The following DPP10 variants were observed in gnomAD, a reference collection of about 807,000 sequenced individuals.
The protein encoded by DPP10 is dipeptidyl peptidase like 10, also known as inactive dipeptidyl peptidase 10.
DPP10 carries 33 observed loss-of-function variants against 120.9 expected under a neutral mutation model. The observed-to-expected ratio is 0.27, with a 90% CI of 0.21 to 0.37. The LOEUF is 0.37. Ranked by LOEUF, DPP10 falls within the 10% of genes least tolerant of loss-of-function variation. The probability of loss-of-function intolerance (pLI) is 1.00; values close to 1 mark genes in which losing one functional copy is unlikely to be tolerated. For missense variants in DPP10, 816 were observed against 942.8 expected, an observed-to-expected ratio of 0.87 and a Z score of 1.76; for synonymous variants, 337 against 326.1, an observed-to-expected ratio of 1.03 and a Z score of -0.36.
chr2:115,681,787 TC>T (rs1415514148), intron 5 of DPP10, among the ~76,000 whole-genome samples: 6 of 63,792 alleles, frequency 9.4e-5, no homozygotes, highest in Non-Finnish European at 2.8e-4. Flanking sequence ...TTTCTTTCTT[TC>T]TTTCTCTTCC....
intron 1 of DPP10, among the ~76,000 whole-genome samples, chr2:114,598,478 G>T (rs1692105076): frequency 6.6e-6 from 1 of 151,892 alleles, no homozygotes; most frequent in Non-Finnish European, 1.5e-5. Flanking sequence ...AGTAGAAGGA[G>T]CACAGTGTCT....
In DPP10 at chr2:114,948,641, C is replaced by A. The variant is rs13030856; in HGVS notation, c.61-360598C>A. On this transcript the variant is annotated intron_variant, in intron 1 of 25. Coordinates refer to ENST00000410059, the MANE Select transcript of DPP10 (RefSeq NM_020868.6). ...TGTTTGTCTGCCTCATACCACTGAC[C>A]ATCCTTCTTCCTCAGGGATCTTGCT... 6.7e-3 allele frequency among the ~76,000 whole-genome samples: 1,017 copies of A among 152,244 alleles called. 6 individuals are homozygous for A. The highest frequency in any genetic ancestry group is 0.011 in the Non-Finnish European group (716 of 68,020).
At chr2:115,780,512 C>T (rs1374108678) in intron 15 of DPP10, among the ~76,000 whole-genome samples, 1 of 151,664 alleles carries the variant, frequency 6.6e-6, no homozygotes, top group Non-Finnish European at 1.5e-5. Flanking sequence ...TGAATAATCT[C>T]TGTGGGAAAT....
chr2:114,552,362 C>T (rs1013519769), intron 1 of DPP10, among the ~76,000 whole-genome samples: 5 of 152,070 alleles, frequency 3.3e-5, no homozygotes, highest in Non-Finnish European at 4.4e-5. Flanking sequence ...CTGTATTTTC[C>T]GGCTGTCTAG....
chr2:115,704,117 C>G (rs1293778431), intron 7 of DPP10, among the ~76,000 whole-genome samples: 1 of 151,888 alleles, frequency 6.6e-6, no homozygotes, highest in Non-Finnish European at 1.5e-5. Context: ...CATCTGAGCT[C>G]CTGCCACTCC....
chr2:114,942,300 T>TATATATATATATATATATATATATAC (rs1553458469), intron 1 of DPP10, among the ~76,000 whole-genome samples: 38 of 110,592 alleles, frequency 3.4e-4, no homozygotes, highest in East Asian at 2.0e-3. Flanking sequence ...TATATATACA[T>TATATATATATATATATATATATATAC]ATATATATAT....
intron 5 of DPP10, among the ~76,000 whole-genome samples, chr2:115,586,152 G>A (rs989426775): frequency 6.6e-6 from 1 of 151,834 alleles, no homozygotes; most frequent in African/African-American, 2.4e-5. Flanking sequence ...GCGAAACCCC[G>A]TCTCTACTAA....
intron 1 of DPP10, among the ~76,000 whole-genome samples, chr2:114,662,007 CA>C (rs1210054014): frequency 2.0e-3 from 265 of 130,636 alleles, no homozygotes; most frequent in Non-Finnish European, 3.0e-3. Flanking sequence ...ACTCCGTCTC[CA>C]AAAAAAAAAA....
chr2:115,369,550 G>C (rs527382905), intron 3 of DPP10, among the ~76,000 whole-genome samples: 4 of 152,178 alleles, frequency 2.6e-5, no homozygotes, highest in African/African-American at 9.6e-5. Context: ...GTGAGATAAA[G>C]CTGTGGGCAA....
intron 5 of DPP10, among the ~76,000 whole-genome samples, chr2:115,688,495 A>C (rs1426708466): frequency 6.6e-6 from 1 of 152,192 alleles, no homozygotes; most frequent in Non-Finnish European, 1.5e-5. Context: ...TTACAATTGC[A>C]TACTGAAAAA....
chr2:114,594,478 TATA>T (rs1049787060), intron 1 of DPP10, among the ~76,000 whole-genome samples: 10 of 147,866 alleles, frequency 6.8e-5, no homozygotes, highest in African/African-American at 2.5e-4. Flanking sequence ...GGGAGTTTAT[TATA>T]TATTATATAT....
At chr2:115,089,487 C>A (rs879562865) in intron 1 of DPP10, among the ~76,000 whole-genome samples, 3 of 152,134 alleles carry the variant, frequency 2.0e-5, no homozygotes, top group Admixed American at 2.0e-4. Flanking sequence ...CACTGAAGTC[C>A]CTTTCTCACT....
chr2:114,972,200 C>A lies in DPP10; in HGVS notation c.61-337039C>A, dbSNP rs1470975728. Among the ~76,000 whole-genome samples the A allele has an allele frequency of 2.0e-5, 3 of 152,066 alleles. No homozygotes were observed. The East Asian group carries it at 5.8e-4, about 29-fold the overall frequency. On this transcript the variant is annotated intron_variant, in intron 1 of 25. Transcript: ENST00000410059. ...TGTTCTCATTAATTTTCCTGACAAGCGCTAGTTTACATAGAAATGGTTGAG... is the reference window on the plus strand; with the variant it reads ...TGTTCTCATTAATTTTCCTGACAAGAGCTAGTTTACATAGAAATGGTTGAG...
intron 5 of DPP10, chr2:115,580,311 A>G (rs984357046): frequency 6.6e-5 from 10 of 152,318 alleles, no homozygotes; most frequent in Admixed American, 2.0e-4. Context: ...TCATTTTAGC[A>G]GCTTTAGAAA....
At chr2:115,333,131 G>A (rs2062863636) in intron 2 of DPP10, among the ~76,000 whole-genome samples, 1 of 152,022 alleles carries the variant, frequency 6.6e-6, no homozygotes. Context: ...TATATATTTA[G>A]GATTGTTAGC....
chr2:115,395,887 A>AT (rs2067644770), intron 3 of DPP10, among the ~76,000 whole-genome samples: 1 of 152,092 alleles, frequency 6.6e-6, no homozygotes, highest in Non-Finnish European at 1.5e-5. Flanking sequence ...TACATACTAT[A>AT]TACAATGATA....
intron 5 of DPP10, 148 bp downstream of exon 5, chr2:115,526,120 A>T (rs937448746): frequency 1.8e-6 from 1 of 551,648 alleles, no homozygotes; most frequent in Non-Finnish European, 3.1e-6. Context: ...TGCACAAAAG[A>T]TGTTTGAAGA....
intron 5 of DPP10, 83 bp downstream of exon 5, chr2:115,526,055 A>T: frequency 8.8e-7 from 1 of 1,136,174 alleles, no homozygotes; most frequent in Non-Finnish European, 1.3e-6. Flanking sequence ...GCTATAACTC[A>T]CCTAAGCAAA....
chr2:115,392,274 C>G lies in DPP10; in HGVS notation c.271+48362C>G, dbSNP rs77954561. ...GGAATTAGTAAAACCTACTGAGGCT[C>G]TAGTCGTTGGTGACCTTTAGTTTTA... is the stretch of plus-strand genomic sequence containing the variant. On this transcript the variant is annotated intron_variant, in intron 3 of 25. Coordinates refer to ENST00000410059, the MANE Select transcript of DPP10 (RefSeq NM_020868.6). 6.4e-3 allele frequency among the ~76,000 whole-genome samples: 970 copies of G among 152,118 alleles called. 4 individuals are homozygous for G. The highest frequency in any genetic ancestry group is 0.01 in the Non-Finnish European group (691 of 67,996).
Sources: allele counts gnomAD v4.1 joint callset (sites outside exome capture counted in the v4.1 genomes callset), GRCh38; gene constraint gnomAD v4.1.1; transcripts MANE v1.5; gene names NCBI Gene and HGNC (gene_info 2026-07-23, HGNC 2026-07-21).